The following SSH2 variants were observed in gnomAD, a reference collection of about 807,000 sequenced individuals.
The protein encoded by SSH2 is protein phosphatase Slingshot homolog 2.
A neutral mutation model predicts 135.2 loss-of-function variants in SSH2; 37 were observed. The ratio of observed to expected loss-of-function variants is 0.27; its 90% CI spans 0.21 to 0.36. The LOEUF (loss-of-function observed/expected upper bound fraction) is 0.36, where lower values mean the gene tolerates loss of function less well. Among genes scored for constraint, SSH2 ranks in the 10% least tolerant of loss-of-function variants. The pLI, the probability that SSH2 is intolerant of heterozygous loss-of-function variation, is 1.00. For synonymous variants in SSH2, 628 were observed against 646.2 expected (o/e 0.97, Z 0.43); for missense variants, 1,408 against 1,765.3 (o/e 0.80, Z 3.63).
chr17:29,674,064 A>C (rs1445353216), intron 8 of SSH2: 1 of 456,672 alleles, frequency 2.2e-6, no homozygotes, highest in Non-Finnish European at 4.4e-6. Context: ...CAAAATGATA[A>C]GGCATATTGG....
chr17:29,711,481 CAG>C (rs1195561656), intron 3 of SSH2, among the ~76,000 whole-genome samples: 2 of 152,328 alleles, frequency 1.3e-5, no homozygotes, highest in Non-Finnish European at 2.9e-5. Flanking sequence ...AAATGTCTGA[CAG>C]AGACATAATT....
intron 3 of SSH2, among the ~76,000 whole-genome samples, chr17:29,726,277 C>T (rs1226611370): frequency 6.6e-6 from 1 of 152,112 alleles, no homozygotes; most frequent in African/African-American, 2.4e-5. Context: ...GCAGCATGTG[C>T]AAAGGCCTGG....
At chr17:29,735,399 T>C (rs1351297613) in intron 3 of SSH2, among the ~76,000 whole-genome samples, 1 of 152,112 alleles carries the variant, frequency 6.6e-6, no homozygotes, top group African/African-American at 2.4e-5. Flanking sequence ...GACTCTCATT[T>C]TAAAGCATAC....
chr17:29,883,973 T>C (rs1358747118), intron 1 of SSH2, among the ~76,000 whole-genome samples: 1 of 152,124 alleles, frequency 6.6e-6, no homozygotes, highest in East Asian at 1.9e-4. Flanking sequence ...TTTTACTGTT[T>C]CTTTACATAC....
intron 14 of SSH2, chr17:29,643,058 A>G: frequency 1.1e-6 from 1 of 897,384 alleles, no homozygotes; most frequent in African/African-American, 1.8e-5. Flanking sequence ...CTTTCTCTGC[A>G]AACAATGAGA....
At chr17:29,693,815 C>T (rs2038597777) in intron 5 of SSH2, among the ~76,000 whole-genome samples, 1 of 152,032 alleles carries the variant, frequency 6.6e-6, no homozygotes, top group Admixed American at 6.6e-5. Flanking sequence ...CAATAACTAC[C>T]CTAGCAGGCC....
intron 3 of SSH2, among the ~76,000 whole-genome samples, chr17:29,716,069 T>C (rs2039611144): frequency 6.6e-6 from 1 of 152,162 alleles, no homozygotes; most frequent in South Asian, 2.1e-4. Context: ...CCTGCAGACT[T>C]ATCTCCTTTC....
chr17:29,792,826 G>A lies in SSH2; in HGVS notation c.188+1068C>T, dbSNP rs575502377. Among the ~76,000 whole-genome samples, 8 of 152,208 alleles carry A rather than the reference G, an allele frequency of 5.3e-5. 1 individual carries two copies. The South Asian group carries it at 1.0e-3, about 20-fold the overall frequency. ...TGAGTAGCTGGGACTACAGGCACCC[G>A]CCACCATGCCCAGCTTATTTTTTGT... On this transcript the variant is annotated intron_variant, in intron 3 of 15. Transcript: ENST00000540801.
chr17:29,814,206 T>C (rs1282022749), intron 2 of SSH2, among the ~76,000 whole-genome samples: 2 of 117,044 alleles, frequency 1.7e-5, no homozygotes, highest in Non-Finnish European at 3.5e-5. Flanking sequence ...GAGGCCGAGG[T>C]GGGCGGATCA....
intron 1 of SSH2, chr17:29,855,615 T>C (rs915545814): frequency 6.6e-6 from 1 of 152,490 alleles, no homozygotes; most frequent in African/African-American, 2.4e-5. Context: ...GGCCAAGACA[T>C]ACCCTGGCAC....
chr17:29,905,476 T>C (rs2066636245), intron 1 of SSH2, among the ~76,000 whole-genome samples: 2 of 152,140 alleles, frequency 1.3e-5, no homozygotes, highest in Admixed American at 1.3e-4. Flanking sequence ...GCCACCCAAG[T>C]TGTAGCTGCA....
intron 1 of SSH2, among the ~76,000 whole-genome samples, chr17:29,880,813 C>T (rs1390774112): frequency 1.3e-5 from 2 of 152,144 alleles, no homozygotes; most frequent in Non-Finnish European, 2.9e-5. Flanking sequence ...ATAAAAATAA[C>T]ATTTTTTGTG....
chr17:29,850,491 G>A (rs1348216835), intron 1 of SSH2, among the ~76,000 whole-genome samples: 1 of 152,162 alleles, frequency 6.6e-6, no homozygotes, highest in Non-Finnish European at 1.5e-5. Context: ...AAGAGTTTTA[G>A]AGTGCAAATA....
chr17:29,881,084 T>C (rs2066129447), intron 1 of SSH2, among the ~76,000 whole-genome samples: 1 of 152,252 alleles, frequency 6.6e-6, no homozygotes, highest in Non-Finnish European at 1.5e-5. Context: ...ATCTAAAAGA[T>C]ACAGAGTAGT....
At chr17:29,639,443 G>A (rs933608817) in intron 14 of SSH2, among the ~76,000 whole-genome samples, 5 of 151,884 alleles carry the variant, frequency 3.3e-5, no homozygotes, top group African/African-American at 1.2e-4. Context: ...TCCGGGCCAC[G>A]CCTGGGCTCT....
chr17:29,681,331 CA>C (rs764461213), intron 6 of SSH2, among the ~76,000 whole-genome samples: 1,089 of 14,256 alleles, frequency 0.076, 1 homozygote, highest in African/African-American at 0.22. Flanking sequence ...GAGACTGTCT[CA>C]AAAAAAAAAA....
intron 2 of SSH2, among the ~76,000 whole-genome samples, chr17:29,827,287 A>G (rs1352571935): frequency 1.3e-5 from 2 of 152,204 alleles, no homozygotes; most frequent in African/African-American, 4.8e-5. Flanking sequence ...TGGCAACATG[A>G]TTACCAGGCT....
intron 1 of SSH2, among the ~76,000 whole-genome samples, chr17:29,862,297 T>C (rs1221589703): frequency 6.6e-6 from 1 of 152,264 alleles, no homozygotes; most frequent in Non-Finnish European, 1.5e-5. Context: ...ACAGGTTCTT[T>C]ATCCCCCTCT....
At chr17:29,756,128 C>T (rs1387736396) in intron 3 of SSH2, among the ~76,000 whole-genome samples, 1 of 151,476 alleles carries the variant, frequency 6.6e-6, no homozygotes, top group Non-Finnish European at 1.5e-5. Flanking sequence ...AAAAAATTAG[C>T]CAGGCGTGGT....
Sources: gnomAD v4.1 joint callset for allele counts (sites outside exome capture counted in the v4.1 genomes callset) on GRCh38, gnomAD v4.1.1 for gene constraint, MANE v1.5 for transcripts, NCBI Gene and HGNC (gene_info 2026-07-23, HGNC 2026-07-21) for gene names.